ATXN1: variants seen among roughly 807,000 people sequenced by gnomAD.
ATXN1 encodes the protein ataxin 1.
Under a neutral mutation model 56.4 loss-of-function variants are expected in ATXN1, and 8 were observed. That is an observed-to-expected ratio of 0.14 (90% CI 0.08 to 0.26). ATXN1 has a LOEUF of 0.26. Among genes scored for constraint, ATXN1 ranks in the 10% least tolerant of loss-of-function variants. ATXN1 has a pLI of 1.00. For synonymous variants in ATXN1, 514 were observed against 494.6 expected (o/e 1.04, Z -0.52); for missense variants, 987 against 1,106.5 (o/e 0.89, Z 1.53).
At chr6:16,406,319 T>G (rs1758685146) in intron 6 of ATXN1, among the ~76,000 whole-genome samples, 2 of 152,358 alleles carry the variant, frequency 1.3e-5, no homozygotes, top group South Asian at 2.1e-4. Flanking sequence ...AATAAAACTT[T>G]AAATAAAGCT....
In ATXN1 at chr6:16,506,530, G is replaced by C. The variant is rs979161886; in HGVS notation, c.-299+16097C>G. On this transcript the variant is annotated intron_variant, in intron 5 of 7. Coordinates refer to ENST00000436367, the MANE Select transcript of ATXN1 (RefSeq NM_001128164.2). This position sits in a 1 kb window ranked among gnomAD's most constrained non-coding sequence, Gnocchi z 4.1. ...TCACTCCCTATGTAATTGGTGGCCA[G>C]GATATTGAAATTCTCTGGAAAACAC... 3.3e-5 allele frequency among the ~76,000 whole-genome samples: 5 copies of C among 152,124 alleles called. No individual in the cohort carries two copies. The highest frequency in any genetic ancestry group is 1.2e-4 in the African/African-American group (5 of 41,434).
chr6:16,420,813 A>G (rs1390478052), intron 6 of ATXN1, among the ~76,000 whole-genome samples: 1 of 152,128 alleles, frequency 6.6e-6, no homozygotes, highest in Non-Finnish European at 1.5e-5. Context: ...TATAAAATCT[A>G]ACAGTTACAG....
intron 6 of ATXN1, among the ~76,000 whole-genome samples, chr6:16,403,432 C>T (rs1758622125): frequency 6.6e-6 from 1 of 152,188 alleles, no homozygotes; most frequent in African/African-American, 2.4e-5. Context: ...CTCACTTCAG[C>T]CTTGACCTTC....
At chr6:16,366,417 C>T (rs1022813988) in intron 6 of ATXN1, among the ~76,000 whole-genome samples, 4 of 152,132 alleles carry the variant, frequency 2.6e-5, no homozygotes, top group Non-Finnish European at 5.9e-5. Flanking sequence ...TAGAATATAA[C>T]AAAAGGGCCT....
chr6:16,489,311 T>C (rs576162921), intron 5 of ATXN1, among the ~76,000 whole-genome samples: 37 of 152,312 alleles, frequency 2.4e-4, no homozygotes, highest in African/African-American at 8.7e-4. Flanking sequence ...AGTCTACAGC[T>C]ATGCTTTAAG....
chr6:16,496,046 T>C (rs561800476), intron 5 of ATXN1, among the ~76,000 whole-genome samples: 1 of 152,218 alleles, frequency 6.6e-6, no homozygotes, highest in African/African-American at 2.4e-5. Flanking sequence ...ATTTTCTTTT[T>C]GGTCTACTTG....
At chr6:16,568,227 G>A (rs778476580) in intron 4 of ATXN1, among the ~76,000 whole-genome samples, 5 of 152,076 alleles carry the variant, frequency 3.3e-5, no homozygotes, top group African/African-American at 4.8e-5. Flanking sequence ...ATTCCAATTC[G>A]CAAGAATATT....
chr6:16,545,702 G>A (rs765455186), intron 4 of ATXN1, among the ~76,000 whole-genome samples: 13 of 152,170 alleles, frequency 8.5e-5, no homozygotes, highest in Non-Finnish European at 1.5e-4. Flanking sequence ...AGGAGTTTGC[G>A]CTATAGGAGA....
chr6:16,629,649 C>T (rs946703597), intron 3 of ATXN1, among the ~76,000 whole-genome samples: 1 of 152,104 alleles, frequency 6.6e-6, no homozygotes, highest in African/African-American at 2.4e-5. Flanking sequence ...GGCAAGGTGG[C>T]TCATGCCTGT....
At chr6:16,617,432 AT>A (rs969725734) in intron 3 of ATXN1, among the ~76,000 whole-genome samples, 22 of 152,294 alleles carry the variant, frequency 1.4e-4, no homozygotes, top group Middle Eastern at 3.4e-3. Flanking sequence ...CTGAAAAAAA[AT>A]ATATGAAAGA....
chr6:16,694,762 CTGTTTGAACATCTCCAGTGACAGAGGTTT>C (rs1311063334), intron 2 of ATXN1, among the ~76,000 whole-genome samples: 3 of 147,702 alleles, frequency 2.0e-5, no homozygotes, highest in South Asian at 4.1e-4. Context: ...CCTACTACCT[CTGTTTGAACATCTCCAGTGACAGAGGTTT>C]CACTGCTAAA....
chr6:16,316,534 C>T lies in ATXN1; in HGVS notation c.1918-9675G>A, dbSNP rs182293333. Reference sequence around the variant, plus strand: ...GGCAGAGGCGGGCTGATCATGAGGTCAGGAGTTCAAGACCAGCCTGACCAA... The same window carrying T: ...GGCAGAGGCGGGCTGATCATGAGGTTAGGAGTTCAAGACCAGCCTGACCAA... On this transcript the variant is annotated intron_variant, in intron 7 of 7. Transcript: ENST00000436367. 3.3e-5 allele frequency among the ~76,000 whole-genome samples: 5 copies of T among 152,200 alleles called. No individual in the cohort carries two copies. The East Asian group carries it at 9.6e-4, about 29-fold the overall frequency.
intron 2 of ATXN1, among the ~76,000 whole-genome samples, chr6:16,660,981 G>A (rs774442112): frequency 6.6e-6 from 1 of 151,718 alleles, no homozygotes; most frequent in Non-Finnish European, 1.5e-5. Context: ...TAGGATCATA[G>A]GTGCCCACCA....
At chr6:16,432,850 T>C (rs1759314189) in intron 6 of ATXN1, 1 of 152,188 alleles carries the variant, frequency 6.6e-6, no homozygotes, top group Non-Finnish European at 1.5e-5. Flanking sequence ...TGGGCTGACA[T>C]TCAAACATTC....
chr6:16,716,728 T>C (rs1282486733), intron 2 of ATXN1, among the ~76,000 whole-genome samples: 1 of 152,222 alleles, frequency 6.6e-6, no homozygotes, highest in Admixed American at 6.5e-5. Context: ...GCCAGTGTAG[T>C]GCAAAAACTG....
chr6:16,371,035 CAGAAATTAAG>C (rs976622937), intron 6 of ATXN1, among the ~76,000 whole-genome samples: 10 of 152,224 alleles, frequency 6.6e-5, no homozygotes, highest in South Asian at 6.2e-4. Context: ...CATAGAGTGT[CAGAAATTAAG>C]AGAATGCAAT....
At chr6:16,591,122 TTTTTTTAA>T (rs1366569315) in intron 3 of ATXN1, among the ~76,000 whole-genome samples, 1 of 150,510 alleles carries the variant, frequency 6.6e-6, no homozygotes, top group African/African-American at 2.5e-5. Context: ...CGCCCAACTA[TTTTTTTAA>T]TTTTTTAGTA....
intron 2 of ATXN1, among the ~76,000 whole-genome samples, chr6:16,719,246 A>C (rs1224925216): frequency 1.3e-5 from 2 of 152,216 alleles, no homozygotes; most frequent in African/African-American, 4.8e-5. Context: ...TACATCAAAA[A>C]TTCTCCAGGG....
At chr6:16,613,294 A>AT (rs1423366707) in intron 3 of ATXN1, among the ~76,000 whole-genome samples, 5 of 150,738 alleles carry the variant, frequency 3.3e-5, no homozygotes, top group Admixed American at 6.6e-5. Context: ...AAAAAAAAAA[A>AT]ATTATTTTAA....
Sources: allele counts gnomAD v4.1 joint callset (sites outside exome capture counted in the v4.1 genomes callset), GRCh38; gene constraint gnomAD v4.1.1; non-coding constraint Gnocchi (gnomAD v3.1); transcripts MANE v1.5; gene names NCBI Gene and HGNC (gene_info 2026-07-23, HGNC 2026-07-21).